CADPS2: variants seen among roughly 807,000 people sequenced by gnomAD.
CADPS2 encodes the protein calcium-dependent secretion activator 2.
A neutral mutation model predicts 172.5 loss-of-function variants in CADPS2; 93 were observed. That is an observed-to-expected ratio of 0.54 (90% confidence interval 0.46 to 0.64). The LOEUF (loss-of-function observed/expected upper bound fraction) is 0.64, where lower values mean the gene tolerates loss of function less well. CADPS2 is among the 30% of genes least tolerant of loss of function. The pLI, the probability that CADPS2 is intolerant of heterozygous loss-of-function variation, is 0.00. For synonymous variants in CADPS2, 546 were observed against 555.2 expected (o/e 0.98, Z 0.23); for missense variants, 1,420 against 1,565.9 (o/e 0.91, Z 1.57).
intron 9 of CADPS2, among the ~76,000 whole-genome samples, chr7:122,496,046 C>G (rs949387637): frequency 6.6e-6 from 1 of 152,132 alleles, no homozygotes; most frequent in African/African-American, 2.4e-5. Context: ...GATTTATTCA[C>G]CTTTTTAATG....
chr7:122,469,547 T>G (rs370209216), intron 14 of CADPS2, among the ~76,000 whole-genome samples: 28 of 152,178 alleles, frequency 1.8e-4, no homozygotes, highest in African/African-American at 6.0e-4. Flanking sequence ...GAGTGTGAGA[T>G]AGTGGGGAAA....
intron 15 of CADPS2, among the ~76,000 whole-genome samples, chr7:122,448,683 C>A (rs2052631744): frequency 6.6e-6 from 1 of 152,084 alleles, no homozygotes; most frequent in Non-Finnish European, 1.5e-5. Context: ...ATAGCAATCC[C>A]ATGTCCATGT....
intron 1 of CADPS2, among the ~76,000 whole-genome samples, chr7:122,769,959 T>C (rs2093660146): frequency 6.6e-6 from 1 of 152,242 alleles, no homozygotes; most frequent in African/African-American, 2.4e-5. Context: ...ATGGGTCAAG[T>C]ATTATTTTCA....
intron 8 of CADPS2, among the ~76,000 whole-genome samples, chr7:122,551,532 CAAGA>C (rs2064295007): frequency 6.6e-6 from 1 of 151,934 alleles, no homozygotes; most frequent in South Asian, 2.1e-4. Context: ...ATAGTTCACG[CAAGA>C]AAGATCTATT....
chr7:122,422,670 C>T (rs565874854), intron 17 of CADPS2, among the ~76,000 whole-genome samples: 1 of 152,022 alleles, frequency 6.6e-6, no homozygotes, highest in Non-Finnish European at 1.5e-5. Flanking sequence ...ACCATAATCC[C>T]CTGGCCAGGC....
At chr7:122,849,856 T>C (rs1813045304) in intron 1 of CADPS2, 5 of 578,570 alleles carry the variant, frequency 8.6e-6, no homozygotes, top group Non-Finnish European at 1.7e-5. Context: ...TGTTTCCTTC[T>C]GGGCAGATCT....
At chr7:122,526,576 T>A (rs544293961) in intron 8 of CADPS2, among the ~76,000 whole-genome samples, 14 of 152,272 alleles carry the variant, frequency 9.2e-5, no homozygotes, top group African/African-American at 3.4e-4. Context: ...CTCTTCCAAT[T>A]GTTCACATGT....
chr7:122,319,242 C>A lies in CADPS2; in HGVS notation c.*923G>T, dbSNP rs772780498. On this transcript the variant is annotated 3_prime_UTR_variant, in exon 30 of 30. Coordinates refer to ENST00000449022, the MANE Select transcript of CADPS2 (RefSeq NM_017954.11). ...TACAAAGAACAGTCAGTGTTACTAT[C>A]TTTTACTCATTTGATTAAAAACAAA... 21 of 152,182 alleles carry A rather than the reference C, an allele frequency of 1.4e-4. No individual in the cohort carries two copies. Among genetic ancestry groups the A allele is most frequent in the Non-Finnish European group, 2.8e-4 (19 of 68,026 alleles). The allele number at this position is 152,182 out of a possible 1,614,324, so 9.4% of individuals were successfully genotyped here. A position where few individuals can be genotyped will look rare whatever the true frequency, so the allele number is the denominator to read the frequency against.
At chr7:122,434,085 A>C (rs1302383204) in intron 17 of CADPS2, among the ~76,000 whole-genome samples, 1 of 152,202 alleles carries the variant, frequency 6.6e-6, no homozygotes, top group Non-Finnish European at 1.5e-5. Context: ...CTAGGATGAA[A>C]GCTGTTTCTA....
intron 27 of CADPS2, among the ~76,000 whole-genome samples, chr7:122,348,274 G>A (rs2037992075): frequency 6.6e-6 from 1 of 152,088 alleles, no homozygotes; most frequent in African/African-American, 2.4e-5. Context: ...TTTCTTTTCT[G>A]TTTCCTTGAT....
chr7:122,600,195 A>G (rs776880630), intron 6 of CADPS2, among the ~76,000 whole-genome samples: 1 of 152,106 alleles, frequency 6.6e-6, no homozygotes, highest in Non-Finnish European at 1.5e-5. Context: ...CAACACATGC[A>G]GTAGCTAAGT....
At position 122,388,800 on chromosome 7, in the gene CADPS2, C is replaced by T. The variant is rs1012731479; in HGVS notation, c.3009-62G>A. On this transcript the variant is annotated intron_variant, in intron 22 of 29. Coordinates refer to ENST00000449022, the MANE Select transcript of CADPS2 (RefSeq NM_017954.11). ...CCGTTAATTAGGTATACCATTAATA[C>T]ATTGTTTTTTCTTTTCTGCATCAAT... is the stretch of plus-strand genomic sequence containing the variant. 8 of 1,405,994 alleles carry T rather than the reference C, an allele frequency of 5.7e-6. No individual in the cohort carries two copies. In the African/African-American group the frequency reaches 5.7e-5, roughly 10 times the overall value. 87.1% of individuals were successfully genotyped at this position (1,405,994 alleles called of 1,614,324 possible).
chr7:122,875,918 T>C (rs1212393527), intron 1 of CADPS2, among the ~76,000 whole-genome samples: 3 of 152,094 alleles, frequency 2.0e-5, no homozygotes, highest in Non-Finnish European at 4.4e-5. Flanking sequence ...TTGGTCCTCT[T>C]TAAAAGCAAC....
chr7:122,341,502 A>G (rs553877791), intron 28 of CADPS2, among the ~76,000 whole-genome samples: 6 of 152,314 alleles, frequency 3.9e-5, no homozygotes, highest in African/African-American at 1.2e-4. Context: ...AACTTTTTCA[A>G]ACTCACCCAG....
At chr7:122,591,911 C>A (rs1419263074) in intron 6 of CADPS2, among the ~76,000 whole-genome samples, 1 of 151,974 alleles carries the variant, frequency 6.6e-6, no homozygotes, top group African/African-American at 2.4e-5. Flanking sequence ...AAATACCATT[C>A]AGGACATAGG....
Position 122,638,640 on chromosome 7 carries a change from G to T in CADPS2, c.787-9312C>A, listed in dbSNP as rs118057702. ...CTGCAAAAACTCTGGGTAGCTCTCT[G>T]TATCAGTCTAGAGGCCCAAGGGAGT... On this transcript the variant is annotated intron_variant, in intron 3 of 29. Transcript: ENST00000449022. Among the ~76,000 whole-genome samples, 1,318 of 152,316 alleles carry T rather than the reference G, an allele frequency of 8.7e-3. 11 individuals are homozygous for T. Among genetic ancestry groups the T allele is most frequent in the Middle Eastern group, 0.027 (8 of 294 alleles).
At chr7:122,338,262 T>C (rs894113712) in intron 28 of CADPS2, among the ~76,000 whole-genome samples, 1 of 152,132 alleles carries the variant, frequency 6.6e-6, no homozygotes, top group Non-Finnish European at 1.5e-5. Context: ...CCAGGCATGG[T>C]GGCACGCACC....
intron 7 of CADPS2, among the ~76,000 whole-genome samples, chr7:122,567,856 C>T (rs571546179): frequency 6.6e-6 from 1 of 151,612 alleles, no homozygotes; most frequent in South Asian, 2.1e-4. Context: ...AACATTCAAC[C>T]TAAAAAAAGC....
At chr7:122,729,995 T>C (rs2091496476) in intron 2 of CADPS2, among the ~76,000 whole-genome samples, 1 of 151,508 alleles carries the variant, frequency 6.6e-6, no homozygotes, top group Non-Finnish European at 1.5e-5. Flanking sequence ...GAATGTGTCT[T>C]TCATCCTAAG....
Sources: allele counts gnomAD v4.1 joint callset (sites outside exome capture counted in the v4.1 genomes callset), GRCh38; gene constraint gnomAD v4.1.1; transcripts MANE v1.5; gene names NCBI Gene and HGNC (gene_info 2026-07-23, HGNC 2026-07-21).